ZBTB48: variants seen among roughly 807,000 people sequenced by gnomAD.
ZBTB48 encodes the protein zinc finger and BTB domain-containing protein 48.
In ZBTB48, 35 loss-of-function variants were observed where a neutral mutation model predicts 64.5. The ratio of observed to expected loss-of-function variants is 0.54; its 90% CI spans 0.41 to 0.72. The LOEUF (loss-of-function observed/expected upper bound fraction) is 0.72, where lower values mean the gene tolerates loss of function less well. ZBTB48 is among the 30% of genes least tolerant of loss of function. ZBTB48 has a pLI of 0.00. For missense variants in ZBTB48, 828 were observed against 895.3 expected (o/e 0.92, Z 0.96); for synonymous variants, 442 against 356.7 (o/e 1.24, Z -2.70).
At position 6,587,627 on chromosome 1, in the gene ZBTB48, G is replaced by C; in HGVS notation, c.1374G>C (p.Lys458Asn). 2 of 1,612,912 alleles carry C rather than the reference G, an allele frequency of 1.2e-6. No homozygotes were observed. Among genetic ancestry groups the C allele is most frequent in the South Asian group, 1.1e-5 (1 of 91,030 alleles). ...GCCTGCAGATGCACATCAAGGCCAAGCACAGGTGCGTGTCGCCCGTTCTCT... is the reference window on the plus strand; with the variant it reads ...GCCTGCAGATGCACATCAAGGCCAACCACAGGTGCGTGTCGCCCGTTCTCT... ...RNGLQMHIKAKHRNERPHVCE... is the reference protein window; with the variant it reads ...RNGLQMHIKANHRNERPHVCE... Residue 458 changes from lysine (K) to asparagine (N), a missense_variant, in exon 7 of 11, where the codon AAG becomes AAC. Physicochemically the swap from Lys to Asn is moderately conservative, Grantham distance 94. Transcript: ENST00000377674.
At position 6,588,262 on chromosome 1, in the gene ZBTB48, T is replaced by C. The variant is rs1481240135; in HGVS notation, c.1517-16T>C. ...AGGCCAAGGCCACAGGCTGAGCTCTTGCCTTGTGCCTGCAGCCAGCCTGGA... is the reference window on the plus strand; with the variant it reads ...AGGCCAAGGCCACAGGCTGAGCTCTCGCCTTGTGCCTGCAGCCAGCCTGGA... On this transcript the variant is annotated splice_polypyrimidine_tract_variant and intron_variant, in intron 8 of 10. Coordinates refer to ENST00000377674, the MANE Select transcript of ZBTB48 (RefSeq NM_005341.4). The C allele has an allele frequency of 6.2e-7, 1 of 1,608,498 alleles. No homozygotes were observed. The highest frequency in any genetic ancestry group is 1.7e-5 in the Admixed American group (1 of 59,904).
chr1:6,585,539 C>G (rs994893173), intron 3 of ZBTB48: 3 of 204,678 alleles, frequency 1.5e-5, no homozygotes, highest in African/African-American at 6.8e-5. Flanking sequence ...TGTTGCCAGC[C>G]TTGGTGGGCC....
chr1:6,588,598 G>C (rs1640765659), intron 9 of ZBTB48, 156 bp downstream of exon 9: 11 of 1,443,416 alleles, frequency 7.6e-6, no homozygotes, highest in Non-Finnish European at 9.3e-6. Flanking sequence ...GTCCTGTGCA[G>C]TAGTGACCCT....
In ZBTB48 at chr1:6,580,755, A is replaced by C. The variant is rs753273869; in HGVS notation, c.146A>C (p.His49Pro). 12 of 1,614,000 alleles carry C rather than the reference A, an allele frequency of 7.4e-6. No individual in the cohort carries two copies. The highest frequency in any genetic ancestry group is 1.0e-5 in the Non-Finnish European group (12 of 1,180,036). The change falls in exon 2 of 11, where the codon CAC (histidine) becomes CCC (proline). Residue 49 changes from histidine (H) to proline (P), a missense_variant. Transcript: ENST00000377674. The surrounding 1 kb of genome is among the most constrained non-coding windows in gnomAD (Gnocchi z 5.2). ...TGGAGTGTCCTTGCCTGCTGCAGTCACTTTTTCCAGAGCCTCTACGGGGAT... is the reference window on the plus strand; with the variant it reads ...TGGAGTGTCCTTGCCTGCTGCAGTCCCTTTTTCCAGAGCCTCTACGGGGAT... Reference protein sequence around the residue: ...AHWSVLACCSHFFQSLYGDGS... With the variant: ...AHWSVLACCSPFFQSLYGDGS...
In ZBTB48 at chr1:6,581,286, G is replaced by A. The variant is rs1392458509; in HGVS notation, c.677G>A (p.Gly226Asp). The A allele has an allele frequency of 6.2e-7, 1 of 1,603,112 alleles. No homozygotes were observed. The change falls in exon 2 of 11, where the codon GGC becomes GAC. Residue 226 changes from glycine (G) to aspartate (D), a missense_variant. Coordinates refer to ENST00000377674, the MANE Select transcript of ZBTB48 (RefSeq NM_005341.4). ...GAGGCTGAAGGTGCCCAGCTGCAGGGCGGCAGTAATGAGGTACTGTGCCCA... is the reference window on the plus strand; with the variant it reads ...GAGGCTGAAGGTGCCCAGCTGCAGGACGGCAGTAATGAGGTACTGTGCCCA... ...PLEAEGAQLQ[G>D]GSNEWEVVVQ...
In ZBTB48 at chr1:6,588,199, G is replaced by A. The variant is rs192633460; in HGVS notation, c.1516+3G>A. 29 of 1,614,034 alleles carry A rather than the reference G, an allele frequency of 1.8e-5. No homozygotes were observed. In the African/African-American group the frequency reaches 3.7e-4, roughly 21 times the overall value. ...TGGCAAGACCTTCCGAACCCAAGGT[G>A]AGGTACGCCCTGCCCCTCCCCTCGC... is the stretch of plus-strand genomic sequence containing the variant. On this transcript the variant is annotated splice_donor_region_variant and intron_variant, in intron 8 of 10. Coordinates refer to ENST00000377674, the MANE Select transcript of ZBTB48 (RefSeq NM_005341.4).
intron 2 of ZBTB48, 58 bp from the exon 3 acceptor site, chr1:6,582,000 C>G: frequency 6.3e-7 from 1 of 1,599,822 alleles, no homozygotes; most frequent in South Asian, 1.1e-5. Flanking sequence ...TGGGTCCCTA[C>G]AACTCCTGCT....
intron 3 of ZBTB48, 119 bp from the exon 4 acceptor site, chr1:6,585,800 A>G: frequency 1.1e-6 from 1 of 935,252 alleles, no homozygotes; most frequent in Non-Finnish European, 1.7e-6. Flanking sequence ...CTGCACCTTA[A>G]CCAGCCGGTG....
At position 6,580,892 on chromosome 1, in the gene ZBTB48, G is replaced by C; in HGVS notation, c.283G>C (p.Val95Leu). ...TCTCACCTCAGGGAACCGGGATCAG[G>C]TGCTCCTGGCAGCCAGGGAGTTGCG... ...LALTSGNRDQVLLAARELRVP... is the reference protein window; with the variant it reads ...LALTSGNRDQLLLAARELRVP... Residue 95 changes from valine (V) to leucine (L), a missense_variant, in exon 2 of 11, where the codon GTG becomes CTG. Coordinates refer to ENST00000377674, the MANE Select transcript of ZBTB48 (RefSeq NM_005341.4). The surrounding 1 kb of genome is among the most constrained non-coding windows in gnomAD (Gnocchi z 5.2). The C allele has an allele frequency of 6.2e-7, 1 of 1,614,120 alleles. No individual in the cohort carries two copies. Among genetic ancestry groups the C allele is most frequent in the Non-Finnish European group, 8.5e-7 (1 of 1,180,044 alleles).
intron 9 of ZBTB48, 126 bp from the exon 10 acceptor site, chr1:6,588,630 C>A: frequency 6.8e-7 from 1 of 1,467,146 alleles, no homozygotes; most frequent in South Asian, 1.3e-5. Context: ...GAGAGCCTGG[C>A]AGGGCCTGTG....
At chr1:6,588,704 C>G in intron 9 of ZBTB48, 52 bp from the exon 10 acceptor site, 1 of 1,611,734 alleles carries the variant, frequency 6.2e-7, no homozygotes, top group Non-Finnish European at 8.5e-7. Context: ...TGGGTTTCCT[C>G]GAGGGTCCCG....
chr1:6,589,163 A>T lies in ZBTB48; in HGVS notation c.2018A>T (p.Glu673Val). 1 of 1,557,556 alleles carries T rather than the reference A, an allele frequency of 6.4e-7. No individual in the cohort carries two copies. Among genetic ancestry groups the T allele is most frequent in the Non-Finnish European group, 8.7e-7 (1 of 1,156,062 alleles). Residue 673 changes from glutamate to valine, a missense_variant, in exon 11 of 11, where the codon GAG becomes GTG. Physicochemically the swap from Glu to Val is moderately radical, Grantham distance 121 (BLOSUM62 -2). Coordinates refer to ENST00000377674, the MANE Select transcript of ZBTB48 (RefSeq NM_005341.4). ...EESFTGPGVL[E>V]PSLIITAAVP... ...AGCTTCACCGGCCCAGGTGTCCTGG[A>T]GCCCTCCCTCATCATCACAGCTGCT...
At position 6,580,892 on chromosome 1, in the gene ZBTB48, G is replaced by A. The variant is rs1640422026; in HGVS notation, c.283G>A (p.Val95Met). 1 of 1,614,120 alleles carries A rather than the reference G, an allele frequency of 6.2e-7. No homozygotes were observed. Among genetic ancestry groups the A allele is most frequent in the Non-Finnish European group, 8.5e-7 (1 of 1,180,044 alleles). The change falls in exon 2 of 11, where the codon GTG (valine) becomes ATG (methionine). Residue 95 changes from valine (V) to methionine (M), a missense_variant. Physicochemically the swap from Val to Met is conservative, Grantham distance 21. Coordinates refer to ENST00000377674, the MANE Select transcript of ZBTB48 (RefSeq NM_005341.4). The surrounding 1 kb of genome is among the most constrained non-coding windows in gnomAD (Gnocchi z 5.2). ...TCTCACCTCAGGGAACCGGGATCAG[G>A]TGCTCCTGGCAGCCAGGGAGTTGCG... ...LALTSGNRDQVLLAARELRVP... is the reference protein window; with the variant it reads ...LALTSGNRDQMLLAARELRVP...
chr1:6,587,649 C>A lies in ZBTB48; in HGVS notation c.1379+17C>A, dbSNP rs755451542. On this transcript the variant is annotated intron_variant, in intron 7 of 10. Coordinates refer to ENST00000377674, the MANE Select transcript of ZBTB48 (RefSeq NM_005341.4). ...CAAGCACAGGTGCGTGTCGCCCGTT[C>A]TCTCTTGGGGCCCAGTCCTGCTGCC... is the stretch of plus-strand genomic sequence containing the variant. 6 of 1,611,474 alleles carry A rather than the reference C, an allele frequency of 3.7e-6. No individual in the cohort carries two copies. In the South Asian group the frequency reaches 6.6e-5, roughly 18 times the overall value.
rs1245716541 is a variant in ZBTB48, at chr1:6,586,807, C to T, written c.1137+20C>T. ...TACAAGGTCAGGCTTGGCCTGTCTC[C>T]AGGGCCAGGGTTGGGTGGCCCCAGG... is the stretch of plus-strand genomic sequence containing the variant. On this transcript the variant is annotated intron_variant, in intron 5 of 10. Coordinates refer to ENST00000377674, the MANE Select transcript of ZBTB48 (RefSeq NM_005341.4). The T allele has an allele frequency of 6.2e-7, 1 of 1,604,400 alleles. No individual in the cohort carries two copies. Among genetic ancestry groups the T allele is most frequent in the Non-Finnish European group, 8.5e-7 (1 of 1,175,866 alleles).
At position 6,588,725 on chromosome 1, in the gene ZBTB48, A is replaced by G. The variant is rs1406880929; in HGVS notation, c.1682-31A>G. On this transcript the variant is annotated intron_variant, in intron 9 of 10. Transcript: ENST00000377674. ...TCCTCGAGGGTCCCGGGGCTCCTGCATGATCCCCCACGGTGTTCTCCCTCT... is the reference window on the plus strand; with the variant it reads ...TCCTCGAGGGTCCCGGGGCTCCTGCGTGATCCCCCACGGTGTTCTCCCTCT... 2 of 1,613,546 alleles carry G rather than the reference A, an allele frequency of 1.2e-6. 1 individual carries two copies. The highest frequency in any genetic ancestry group is 2.2e-5 in the South Asian group (2 of 91,074).
chr1:6,587,199 T>C lies in ZBTB48; in HGVS notation c.1138-6T>C. On this transcript the variant is annotated splice_polypyrimidine_tract_variant and splice_region_variant and intron_variant, in intron 5 of 10. Coordinates refer to ENST00000377674, the MANE Select transcript of ZBTB48 (RefSeq NM_005341.4). ...CCCTGGAGGTGACTGTGGGCCTCTT[T>C]TTCAGTGTTCCTCCTGCTCCCAGCA... 4 of 1,613,910 alleles carry C rather than the reference T, an allele frequency of 2.5e-6. No individual in the cohort carries two copies. Among genetic ancestry groups the C allele is most frequent in the Non-Finnish European group, 3.4e-6 (4 of 1,180,004 alleles).
chr1:6,581,210 C>G lies in ZBTB48; in HGVS notation c.601C>G (p.Pro201Ala), dbSNP rs374087335. ...ACTGAAGCAGGCCTTGAAGCCTTGTCCCCTTGAGGACAAGAAACCCGAGGA... is the reference window on the plus strand; with the variant it reads ...ACTGAAGCAGGCCTTGAAGCCTTGTGCCCTTGAGGACAAGAAACCCGAGGA... ...GKLKQALKPC[P>A]LEDKKPEDCK... Residue 201 changes from proline (P) to alanine (A), a missense_variant, in exon 2 of 11, where the codon CCC becomes GCC. Pro to Ala is a conservative substitution (Grantham distance 27). Transcript: ENST00000377674. The G allele has an allele frequency of 3.1e-6, 5 of 1,613,206 alleles. No individual in the cohort carries two copies. The African/African-American group carries it at 6.7e-5, about 22-fold the overall frequency.
rs1020094416 is a variant in ZBTB48 at position 6,586,047 on chromosome 1, C to A, written c.1044+17C>A. 6.2e-7 allele frequency: 1 copy of A among 1,613,384 alleles called. No homozygotes were observed. Among genetic ancestry groups the A allele is most frequent in the Admixed American group, 1.7e-5 (1 of 60,016 alleles). ...TCGGAACAGGTACTTGGGAGCTGGC[C>A]CAGGTACTTGTGGGCAGGGCACACT... On this transcript the variant is annotated intron_variant, in intron 4 of 10. Coordinates refer to ENST00000377674, the MANE Select transcript of ZBTB48 (RefSeq NM_005341.4).
Sources: allele counts gnomAD v4.1 joint callset, GRCh38; gene constraint gnomAD v4.1.1; non-coding constraint Gnocchi (gnomAD v3.1); transcripts MANE v1.5; gene names NCBI Gene and HGNC (gene_info 2026-07-23, HGNC 2026-07-21).